Variants in DNAH17 observed in about 807,000 individuals in gnomAD.
DNAH17 encodes axonemal beta dynein heavy chain 17.
DNAH17 carries 376 observed loss-of-function variants against 485.6 expected under a neutral mutation model. The ratio of observed to expected loss-of-function variants is 0.77; its 90% CI spans 0.71 to 0.84. The LOEUF (loss-of-function observed/expected upper bound fraction) is 0.84. Ranked by LOEUF, DNAH17 falls within the 40% of genes least tolerant of loss-of-function variation. The pLI is 0.00. For synonymous variants in DNAH17, 3,031 were observed against 2,405.9 expected, an observed-to-expected ratio of 1.26 and a Z score of -7.60; for missense variants, 6,370 against 5,839.3, an observed-to-expected ratio of 1.09 and a Z score of -2.96.
At position 78,490,681 on chromosome 17, in the gene DNAH17, A is replaced by C; in HGVS notation, c.6818+18T>G. 6.3e-7 allele frequency: 1 copy of C among 1,596,300 alleles called. No homozygotes were observed. Among genetic ancestry groups the C allele is most frequent in the Non-Finnish European group, 8.6e-7 (1 of 1,169,264 alleles). On this transcript the variant is annotated intron_variant, in intron 44 of 80. Coordinates refer to ENST00000389840, the MANE Select transcript of DNAH17 (RefSeq NM_173628.4). ...TCCCTGCCGAGGTTTGGAACAGGAA[A>C]GCCAAAGCCCCACTCACGGGTTCCA... is the stretch of plus-strand genomic sequence containing the variant.
In DNAH17 at chr17:78,574,737, G is replaced by C; in HGVS notation, c.321C>G (p.Asp107Glu). ...LYGDISPTPV[D>E]QLIAVVEEVL... is the part of the protein sequence containing the mutation. Reference sequence around the variant, plus strand: ...CCTCCTCCACCACCGCGATCAGCTGGTCCACGGGTGTGGGGCTGATGTCGC... The same window carrying C: ...CCTCCTCCACCACCGCGATCAGCTGCTCCACGGGTGTGGGGCTGATGTCGC... Residue 107 changes from aspartate to glutamate, a missense_variant, in exon 2 of 81, where the codon GAC becomes GAG. Transcript: ENST00000389840. 4 of 1,611,162 alleles carry C rather than the reference G, an allele frequency of 2.5e-6. No individual in the cohort carries two copies. The highest frequency in any genetic ancestry group is 2.2e-5 in the East Asian group (1 of 44,802).
At chr17:78,569,851 A>C (rs2092324877) in intron 7 of DNAH17, among the ~76,000 whole-genome samples, 1 of 152,222 alleles carries the variant, frequency 6.6e-6, no homozygotes, top group Non-Finnish European at 1.5e-5. Context: ...GCCCAGGGAT[A>C]CAGCCCTTCA....
intron 54 of DNAH17, among the ~76,000 whole-genome samples, chr17:78,469,603 AGGGTGC>A (rs2088651598): frequency 6.6e-6 from 1 of 152,226 alleles, no homozygotes; most frequent in Non-Finnish European, 1.5e-5. Flanking sequence ...GAATAAAAGA[AGGGTGC>A]AGGAGACCCA....
chr17:78,544,824 A>AAAAAG (rs2091711195), intron 16 of DNAH17, among the ~76,000 whole-genome samples: 1 of 146,874 alleles, frequency 6.8e-6, no homozygotes, highest in Non-Finnish European at 1.5e-5. Flanking sequence ...AAAAAAAAAA[A>AAAAAG]GGTGGGGGTG....
chr17:78,457,512 G>T (rs73380053), intron 62 of DNAH17, among the ~76,000 whole-genome samples: 1 of 151,982 alleles, frequency 6.6e-6, no homozygotes, highest in African/African-American at 2.4e-5. Context: ...TGGATATTTG[G>T]GGTTAAATAA....
intron 19 of DNAH17, among the ~76,000 whole-genome samples, chr17:78,533,665 T>C (rs2091299034): frequency 6.6e-6 from 1 of 152,182 alleles, no homozygotes; most frequent in South Asian, 2.1e-4. Flanking sequence ...ATTTTTATTG[T>C]CTGCATCTTA....
chr17:78,570,336 A>G lies in DNAH17; in HGVS notation c.955T>C (p.Cys319Arg). The change falls in exon 7 of 81, where the codon TGC (cysteine) becomes CGC (arginine). Residue 319 changes from cysteine to arginine, a missense_variant. Physicochemically the swap from Cys to Arg is radical, Grantham distance 180. Transcript: ENST00000389840. ...TFIAKVLDTI[C>R]FIWATSEYYN... The stretch of plus-strand genomic sequence containing the variant: ...TACTCAGAGGTGGCCCAGATGAAGC[A>G]GATGGTGTCCAGCACCTTGGCAATG... 1.2e-6 allele frequency: 2 copies of G among 1,610,184 alleles called. No individual in the cohort carries two copies. The highest frequency in any genetic ancestry group is 1.7e-6 in the Non-Finnish European group (2 of 1,178,584).
rs560244243 is a variant in DNAH17, at chr17:78,569,411, G to A, written c.1161C>T (p.Tyr387=). The change falls in exon 8 of 81, where the codon TAC becomes TAT. Residue 387 remains tyrosine (Y), a synonymous_variant. Coordinates refer to ENST00000389840, the MANE Select transcript of DNAH17 (RefSeq NM_173628.4). ...VNVLKELYQT[Y]DFCCVNMKLF... ...GCTTCATGTTCACGCAGCAGAAGTC[G>A]TACGTCTGGTAGAGCTCCTTCAGCA... is the stretch of plus-strand genomic sequence containing the variant. 60 of 1,612,814 alleles carry A rather than the reference G, an allele frequency of 3.7e-5. No homozygotes were observed. Among genetic ancestry groups the A allele is most frequent in the South Asian group, 1.4e-4 (13 of 90,736 alleles).
chr17:78,494,276 G>C (rs1273858939), intron 40 of DNAH17, 103 bp from the exon 41 acceptor site: 2 of 1,487,126 alleles, frequency 1.3e-6, no homozygotes, highest in Admixed American at 2.2e-5. Context: ...GATGATAAAG[G>C]CGCCCTTGCC....
At chr17:78,473,998 C>T (rs978844625) in intron 54 of DNAH17, among the ~76,000 whole-genome samples, 2 of 152,154 alleles carry the variant, frequency 1.3e-5, no homozygotes, top group Admixed American at 6.5e-5. Context: ...AAGAGCAGGC[C>T]GGCCCCTTTA....
At position 78,569,365 on chromosome 17, in the gene DNAH17, G is replaced by A. The variant is rs868547570; in HGVS notation, c.1197+10C>T. 6.2e-7 allele frequency: 1 copy of A among 1,612,642 alleles called. No homozygotes were observed. The highest frequency in any genetic ancestry group is 1.7e-4 in the Middle Eastern group (1 of 6,058). On this transcript the variant is annotated intron_variant, in intron 8 of 80. Coordinates refer to ENST00000389840, the MANE Select transcript of DNAH17 (RefSeq NM_173628.4). ...CCTGCCTTGGCCCTCGCCCTGCGAG[G>A]AAGGGGTACCTTAAAGAAAAGCTTC... is the stretch of plus-strand genomic sequence containing the variant.
intron 75 of DNAH17, among the ~76,000 whole-genome samples, chr17:78,430,522 A>G (rs1014214870): frequency 1.3e-5 from 2 of 152,224 alleles, no homozygotes; most frequent in Non-Finnish European, 2.9e-5. Context: ...AATAAGAATC[A>G]GTTGATGAAT....
intron 80 of DNAH17, 180 bp downstream of exon 80, chr17:78,425,166 A>G (rs1250781970): frequency 3.2e-6 from 2 of 617,332 alleles, no homozygotes; most frequent in Non-Finnish European, 5.6e-6. Flanking sequence ...GAATCCTCTC[A>G]ACCCTCTCTA....
intron 47 of DNAH17, 74 bp downstream of exon 47, chr17:78,485,476 T>A: frequency 4.9e-6 from 7 of 1,418,248 alleles, no homozygotes; most frequent in Non-Finnish European, 6.7e-6. Context: ...GGGCCTGCAG[T>A]GAGAGGGGAC....
chr17:78,493,669 C>T (rs1238129916), intron 41 of DNAH17, among the ~76,000 whole-genome samples: 1 of 152,264 alleles, frequency 6.6e-6, no homozygotes, highest in Non-Finnish European at 1.5e-5. Context: ...ACATCAGTCA[C>T]ATCCGCCACC....
At chr17:78,457,368 T>C (rs747449314) in intron 62 of DNAH17, among the ~76,000 whole-genome samples, 1 of 147,536 alleles carries the variant, frequency 6.8e-6, no homozygotes, top group Non-Finnish European at 1.5e-5. Flanking sequence ...GAGACTCCCC[T>C]GTCTCCAAAA....
intron 13 of DNAH17, among the ~76,000 whole-genome samples, chr17:78,559,142 C>T (rs753209407): frequency 3.9e-4 from 60 of 152,324 alleles, no homozygotes; most frequent in African/African-American, 1.2e-3. Flanking sequence ...TTGTCATCTC[C>T]GCTGAATGAG....
Position 78,572,827 on chromosome 17 carries a change from A to G in DNAH17, c.413T>C (p.Ile138Thr). 6.2e-7 allele frequency: 1 copy of G among 1,613,902 alleles called. No homozygotes were observed. Among genetic ancestry groups the G allele is most frequent in the Non-Finnish European group, 8.5e-7 (1 of 1,179,876 alleles). The part of the protein sequence containing the change: ...AGWPQVVSED[I>T]VKQVHRLKNE... ...CTTCAGCCTGTGGACCTGCTTCACG[A>G]TGTCTTCCGAGACCACCTGGGGCCA... Residue 138 changes from isoleucine to threonine, a missense_variant, in exon 3 of 81, where the codon ATC becomes ACC. By Grantham distance (89) the Ile-to-Thr change is moderately conservative. Coordinates refer to ENST00000389840, the MANE Select transcript of DNAH17 (RefSeq NM_173628.4).
intron 11 of DNAH17, 33 bp downstream of exon 11, chr17:78,566,581 C>G: frequency 6.8e-7 from 1 of 1,465,948 alleles, no homozygotes. Flanking sequence ...GTGCCAGGCT[C>G]CAGATCTGCC....
Sources: gnomAD v4.1 joint callset for allele counts (sites outside exome capture counted in the v4.1 genomes callset) on GRCh38, gnomAD v4.1.1 for gene constraint, MANE v1.5 for transcripts, NCBI Gene and HGNC (gene_info 2026-07-23, HGNC 2026-07-21) for gene names.